TAFA1: variants seen among roughly 807,000 people sequenced by gnomAD.
TAFA1 encodes the protein chemokine-like protein TAFA-1.
Under a neutral mutation model 18.5 loss-of-function variants are expected in TAFA1, and 4 were observed. That is an observed-to-expected ratio of 0.22 (90% confidence interval 0.11 to 0.49). The LOEUF is 0.49. Ranked by LOEUF, TAFA1 falls within the 20% of genes least tolerant of loss-of-function variation. TAFA1 has a pLI of 0.98. For synonymous variants in TAFA1, 56 were observed against 55.2 expected (o/e 1.01, Z -0.06); for missense variants, 147 against 169.0 (o/e 0.87, Z 0.72).
intron 2 of TAFA1, among the ~76,000 whole-genome samples, chr3:68,037,417 C>T (rs955745601): frequency 6.6e-6 from 1 of 152,126 alleles, no homozygotes; most frequent in African/African-American, 2.4e-5. Flanking sequence ...TCCTATATGA[C>T]CCTCCCCAAG....
intron 2 of TAFA1, among the ~76,000 whole-genome samples, chr3:68,414,552 T>C (rs982081395): frequency 3.3e-5 from 5 of 152,154 alleles, no homozygotes; most frequent in African/African-American, 1.2e-4. Flanking sequence ...CCTCAGCTTC[T>C]CATGTGTAAA....
chr3:68,176,756 G>A lies in TAFA1; in HGVS notation c.118+170012G>A, dbSNP rs534359311. Among the ~76,000 whole-genome samples the A allele has an allele frequency of 2.6e-5, 4 of 152,282 alleles. No individual in the cohort carries two copies. The South Asian group carries it at 6.2e-4, about 24-fold the overall frequency. ...CCCAGGCCACATAAAATAGCAAAGA[G>A]TTCATTAGAATGGTGTCACCAGCAT... On this transcript the variant is annotated intron_variant, in intron 2 of 4. Transcript: ENST00000478136.
At chr3:68,106,188 A>G (rs999828435) in intron 2 of TAFA1, among the ~76,000 whole-genome samples, 1 of 152,120 alleles carries the variant, frequency 6.6e-6, no homozygotes, top group African/African-American at 2.4e-5. Flanking sequence ...CGAAACCACA[A>G]ACAAATACTC....
intron 2 of TAFA1, among the ~76,000 whole-genome samples, chr3:68,358,272 T>C (rs1207773913): frequency 2.0e-5 from 3 of 151,968 alleles, no homozygotes; most frequent in Non-Finnish European, 2.9e-5. Context: ...ATTTTTTTTA[T>C]ATCCTGGAGA....
chr3:68,165,962 T>G (rs1013653745), intron 2 of TAFA1, among the ~76,000 whole-genome samples: 1 of 152,230 alleles, frequency 6.6e-6, no homozygotes, highest in African/African-American at 2.4e-5. Context: ...GAGAAGGGAA[T>G]AGTTCATTCT....
chr3:68,269,504 T>C (rs2067619350), intron 2 of TAFA1, among the ~76,000 whole-genome samples: 2 of 152,166 alleles, frequency 1.3e-5, no homozygotes, highest in Admixed American at 1.3e-4. Context: ...TCAGTAGGTC[T>C]GAGGTGAGAC....
intron 2 of TAFA1, among the ~76,000 whole-genome samples, chr3:68,381,141 G>A (rs1446096436): frequency 8.7e-5 from 11 of 126,946 alleles, no homozygotes; most frequent in African/African-American, 3.3e-4. Context: ...CTCTGTTTTG[G>A]TACCAGTACC....
At chr3:68,266,193 C>A (rs527835309) in intron 2 of TAFA1, among the ~76,000 whole-genome samples, 2 of 152,028 alleles carry the variant, frequency 1.3e-5, no homozygotes, top group Non-Finnish European at 1.5e-5. Flanking sequence ...TCATGTAGCG[C>A]GCTTTAATTT....
chr3:68,258,580 G>C (rs1401811660), intron 2 of TAFA1, among the ~76,000 whole-genome samples: 1 of 152,146 alleles, frequency 6.6e-6, no homozygotes, highest in Non-Finnish European at 1.5e-5. Context: ...GTGAATCTAA[G>C]TGTTCAGAGA....
Position 68,134,385 on chromosome 3 carries a change from T to C in TAFA1, c.118+127641T>C, listed in dbSNP as rs1165124223. Among the ~76,000 whole-genome samples the C allele has an allele frequency of 2.0e-5, 3 of 152,246 alleles. No homozygotes were observed. In the East Asian group the frequency reaches 5.8e-4, roughly 29 times the overall value. On this transcript the variant is annotated intron_variant, in intron 2 of 4. Coordinates refer to ENST00000478136, the MANE Select transcript of TAFA1 (RefSeq NM_213609.4). ...TGTGTGTGTGTGTATACATATTATATATATACACGTACATATGGTTGTTTC... is the reference window on the plus strand; with the variant it reads ...TGTGTGTGTGTGTATACATATTATACATATACACGTACATATGGTTGTTTC...
chr3:68,201,751 A>G (rs889723802), intron 2 of TAFA1, among the ~76,000 whole-genome samples: 6 of 151,744 alleles, frequency 4.0e-5, no homozygotes, highest in Non-Finnish European at 8.9e-5. Context: ...TAATTTATAA[A>G]GAAAACAGGT....
chr3:68,455,751 A>T (rs2071651354), intron 3 of TAFA1, among the ~76,000 whole-genome samples: 1 of 152,022 alleles, frequency 6.6e-6, no homozygotes, highest in Non-Finnish European at 1.5e-5. Context: ...TGGATACATT[A>T]TACATTCTCC....
upstream of TAFA1, among the ~76,000 whole-genome samples, chr3:68,003,947 A>G (rs1472472244): frequency 1.3e-5 from 2 of 152,188 alleles, no homozygotes; most frequent in Non-Finnish European, 2.9e-5. Flanking sequence ...AAGAACATTA[A>G]GAGGTAAGAA....
At chr3:68,392,872 T>C (rs886852726) in intron 2 of TAFA1, among the ~76,000 whole-genome samples, 1 of 152,060 alleles carries the variant, frequency 6.6e-6, no homozygotes, top group Admixed American at 6.6e-5. Context: ...TAGAGGGAAA[T>C]TTATAGCGCT....
chr3:68,090,224 A>T (rs975687611), intron 2 of TAFA1, among the ~76,000 whole-genome samples: 5 of 152,316 alleles, frequency 3.3e-5, no homozygotes, highest in African/African-American at 1.2e-4. Flanking sequence ...CCTGCAAGAT[A>T]TGTTTCTGTC....
At chr3:68,275,864 C>A (rs1469891580) in intron 2 of TAFA1, among the ~76,000 whole-genome samples, 1 of 152,012 alleles carries the variant, frequency 6.6e-6, no homozygotes, top group Non-Finnish European at 1.5e-5. Flanking sequence ...ATGCTGCCCC[C>A]AAATGCGACT....
At chr3:68,285,134 A>C (rs1392282172) in intron 2 of TAFA1, among the ~76,000 whole-genome samples, 1 of 152,154 alleles carries the variant, frequency 6.6e-6, no homozygotes, top group East Asian at 1.9e-4. Context: ...ATCATGGATG[A>C]AACTCAAAAC....
At chr3:68,263,312 C>G (rs1476657043) in intron 2 of TAFA1, among the ~76,000 whole-genome samples, 2 of 152,030 alleles carry the variant, frequency 1.3e-5, no homozygotes, top group Non-Finnish European at 2.9e-5. Flanking sequence ...TGTTTAGTCT[C>G]TTGAATAGAG....
At chr3:68,051,793 GT>G (rs551342264) in intron 2 of TAFA1, among the ~76,000 whole-genome samples, 4 of 151,050 alleles carry the variant, frequency 2.6e-5, no homozygotes, top group South Asian at 2.1e-4. Context: ...GGTGAGAAGT[GT>G]TTTTTTTTAA....
Sources: gnomAD v4.1 joint callset for allele counts (sites outside exome capture counted in the v4.1 genomes callset) on GRCh38, gnomAD v4.1.1 for gene constraint, MANE v1.5 for transcripts, NCBI Gene and HGNC (gene_info 2026-07-23, HGNC 2026-07-21) for gene names.